DDHD1: variants seen among roughly 807,000 people sequenced by gnomAD.
DDHD1 encodes the protein phospholipase DDHD1.
Under a neutral mutation model 96.4 loss-of-function variants are expected in DDHD1, and 49 were observed. The ratio of observed to expected loss-of-function variants is 0.51; its 90% CI spans 0.40 to 0.64. The LOEUF (loss-of-function observed/expected upper bound fraction) is 0.64, where lower values mean the gene tolerates loss of function less well. DDHD1 is among the 30% of genes least tolerant of loss of function. The pLI is 0.00. For synonymous variants in DDHD1, 442 were observed against 446.5 expected (o/e 0.99, Z 0.13); for missense variants, 1,106 against 1,161.2 (o/e 0.95, Z 0.69).
chr14:53,135,180 A>G (rs1307170047), intron 1 of DDHD1, among the ~76,000 whole-genome samples: 1 of 152,222 alleles, frequency 6.6e-6, no homozygotes. Context: ...GCAGGTATAC[A>G]TCCAGATGGC....
intron 8 of DDHD1, among the ~76,000 whole-genome samples, chr14:53,059,506 A>G (rs1157957489): frequency 6.6e-6 from 1 of 150,560 alleles, no homozygotes; most frequent in African/African-American, 2.4e-5. Context: ...TAGCCTCCCA[A>G]AGTGCTGGGA....
At chr14:53,113,676 G>T (rs1038133896) in intron 1 of DDHD1, among the ~76,000 whole-genome samples, 1 of 152,192 alleles carries the variant, frequency 6.6e-6, no homozygotes, top group African/African-American at 2.4e-5. Context: ...GGGAAGCCAT[G>T]AGGGACTGTG....
At chr14:53,118,691 G>A (rs1290177242) in intron 1 of DDHD1, among the ~76,000 whole-genome samples, 1 of 152,210 alleles carries the variant, frequency 6.6e-6, no homozygotes, top group African/African-American at 2.4e-5. Flanking sequence ...TTTGATTGGT[G>A]TACCAGAAAG....
At chr14:53,151,477 G>A (rs1317899502) in intron 1 of DDHD1, among the ~76,000 whole-genome samples, 1 of 152,120 alleles carries the variant, frequency 6.6e-6, no homozygotes, top group Non-Finnish European at 1.5e-5. Flanking sequence ...AATAAATACT[G>A]TTAACACTCA....
intron 1 of DDHD1, among the ~76,000 whole-genome samples, chr14:53,125,863 G>A (rs1043914045): frequency 8.6e-5 from 13 of 151,956 alleles, no homozygotes; most frequent in African/African-American, 2.7e-4. Flanking sequence ...TACCATGCCC[G>A]GCTAATTTTT....
At chr14:53,083,705 T>C (rs1402067300) in intron 4 of DDHD1, among the ~76,000 whole-genome samples, 1 of 152,226 alleles carries the variant, frequency 6.6e-6, no homozygotes, top group African/African-American at 2.4e-5. Context: ...AAGTTTTGTA[T>C]AGGCCCGAAC....
intron 2 of DDHD1, chr14:53,103,218 T>C (rs542157710): frequency 7.4e-6 from 4 of 537,270 alleles, no homozygotes; most frequent in South Asian, 4.3e-5. Context: ...ATGAGTAGAT[T>C]GTTTCAAATT....
chr14:53,049,657 C>CAAAAAAAAAAAAAA (rs11323291), intron 12 of DDHD1, among the ~76,000 whole-genome samples: 1 of 84,720 alleles, frequency 1.2e-5, no homozygotes. Context: ...TGAGCTAGGT[C>CAAAAAAAAAAAAAA]AAAAAAAAAA....
chr14:53,104,556 G>C (rs1159582429), intron 1 of DDHD1, among the ~76,000 whole-genome samples: 1 of 152,084 alleles, frequency 6.6e-6, no homozygotes, highest in Admixed American at 6.6e-5. Flanking sequence ...TTGGAGACTA[G>C]AGGCTTCTAG....
At position 53,153,153 on chromosome 14, in the gene DDHD1, C is replaced by T; in HGVS notation, c.-55G>A. 7.6e-7 allele frequency: 1 copy of T among 1,312,056 alleles called. No homozygotes were observed. The highest frequency in any genetic ancestry group is 9.8e-7 in the Non-Finnish European group (1 of 1,022,576). The allele number at this position is 1,312,056 out of a possible 1,614,324, so 81.3% of individuals were successfully genotyped here. A position where few individuals can be genotyped will look rare whatever the true frequency, so the allele number is the denominator to read the frequency against. ...GCGCGCGGAGCCGTGACCCCCAGCG[C>T]TTCCGCCACACATTCAACGCCGCCG... On this transcript the variant is annotated 5_prime_UTR_variant, in exon 1 of 13. Transcript: ENST00000673822.
At chr14:53,085,565 T>C (rs1350867565) in intron 4 of DDHD1, among the ~76,000 whole-genome samples, 1 of 151,990 alleles carries the variant, frequency 6.6e-6, no homozygotes, top group East Asian at 1.9e-4. Context: ...ACCTGACTGT[T>C]AGAAGGAAAA....
Position 53,063,953 on chromosome 14 carries a change from C to G in DDHD1, c.1504-748G>C, listed in dbSNP as rs1883811751. ...TCCATAAAGTCAGAAGAATAAGGTT[C>G]TTTTGTTACTCAAACCCATCCTGGG... On this transcript the variant is annotated intron_variant, in intron 6 of 12. Coordinates refer to ENST00000673822, the MANE Select transcript of DDHD1 (RefSeq NM_001160148.2). Among the ~76,000 whole-genome samples the G allele has an allele frequency of 2.6e-5, 4 of 152,028 alleles. No homozygotes were observed. The South Asian group carries it at 8.3e-4, about 31-fold the overall frequency.
At chr14:53,128,213 A>C (rs1025781988) in intron 1 of DDHD1, among the ~76,000 whole-genome samples, 1 of 152,218 alleles carries the variant, frequency 6.6e-6, no homozygotes, top group Non-Finnish European at 1.5e-5. Context: ...ATAAATGACC[A>C]AGTCTTGGAT....
Position 53,046,260 on chromosome 14 carries a change from T to C in DDHD1, c.*508A>G, listed in dbSNP as rs1171581968. On this transcript the variant is annotated 3_prime_UTR_variant, in exon 13 of 13. Coordinates refer to ENST00000673822, the MANE Select transcript of DDHD1 (RefSeq NM_001160148.2). The stretch of plus-strand genomic sequence containing the variant: ...GTAGTTCAAATATTGTTTTAAGCAT[T>C]AGTTTTTCTAAACAAGTTAAATTCA... 6.6e-6 allele frequency: 1 copy of C among 152,246 alleles called. No homozygotes were observed. Among genetic ancestry groups the C allele is most frequent in the East Asian group, 1.9e-4 (1 of 5,208 alleles). The allele number at this position is 152,246 out of a possible 1,614,324, so 9.4% of individuals were successfully genotyped here. A position where few individuals can be genotyped will look rare whatever the true frequency, so the allele number is the denominator to read the frequency against.
chr14:53,067,070 G>A (rs1479472618), intron 6 of DDHD1, among the ~76,000 whole-genome samples: 1 of 151,922 alleles, frequency 6.6e-6, no homozygotes, highest in Non-Finnish European at 1.5e-5. Flanking sequence ...ATCAAGTAGG[G>A]GAACTGTTAA....
At chr14:53,130,309 T>C (rs1889771732) in intron 1 of DDHD1, among the ~76,000 whole-genome samples, 1 of 152,182 alleles carries the variant, frequency 6.6e-6, no homozygotes, top group South Asian at 2.1e-4. Flanking sequence ...TTTTTCTCTA[T>C]CAGACCTTCA....
intron 10 of DDHD1, among the ~76,000 whole-genome samples, chr14:53,055,254 T>C (rs1882941426): frequency 6.6e-6 from 1 of 152,208 alleles, no homozygotes; most frequent in Non-Finnish European, 1.5e-5. Context: ...TCACACAGTT[T>C]GAGAGACTTT....
At chr14:53,151,073 CAT>C in intron 1 of DDHD1, among the ~76,000 whole-genome samples, 1 of 152,314 alleles carries the variant, frequency 6.6e-6, no homozygotes, top group Admixed American at 6.5e-5. Context: ...AATGTTTTAA[CAT>C]TATCAGAATC....
chr14:53,146,671 T>C (rs2139907320), intron 1 of DDHD1, among the ~76,000 whole-genome samples: 1 of 152,342 alleles, frequency 6.6e-6, no homozygotes, highest in South Asian at 2.1e-4. Context: ...GAATTTCACT[T>C]GTCTCCTAAT....
Sources: gnomAD v4.1 joint callset for allele counts (sites outside exome capture counted in the v4.1 genomes callset) on GRCh38, gnomAD v4.1.1 for gene constraint, MANE v1.5 for transcripts, NCBI Gene and HGNC (gene_info 2026-07-23, HGNC 2026-07-21) for gene names.